HLCS: variants seen among roughly 807,000 people sequenced by gnomAD.
HLCS encodes biotin--protein ligase.
HLCS carries 53 observed loss-of-function variants against 75.0 expected under a neutral mutation model. The ratio of observed to expected loss-of-function variants is 0.71; its 90% CI spans 0.57 to 0.89. HLCS has a LOEUF of 0.89. Ranked by LOEUF, HLCS falls within the 40% of genes least tolerant of loss-of-function variation. HLCS has a pLI of 0.00. For synonymous variants in HLCS, 431 were observed against 428.6 expected, an observed-to-expected ratio of 1.01 and a Z score of -0.07; for missense variants, 966 against 1,074.0, an observed-to-expected ratio of 0.90 and a Z score of 1.41.
chr21:36,940,093 A>T (rs2067075464), intron 2 of HLCS, among the ~76,000 whole-genome samples: 1 of 152,170 alleles, frequency 6.6e-6, no homozygotes. Flanking sequence ...GGTTGTGTTC[A>T]TGAGATCAAA....
intron 6 of HLCS, among the ~76,000 whole-genome samples, chr21:36,780,762 G>A (rs2060502512): frequency 6.6e-6 from 1 of 152,122 alleles, no homozygotes; most frequent in South Asian, 2.1e-4. Flanking sequence ...CCCCACTACT[G>A]CACACAGCCG....
chr21:36,868,267 GA>G, intron 6 of HLCS, among the ~76,000 whole-genome samples: 1 of 147,966 alleles, frequency 6.8e-6, no homozygotes. Context: ...GAGAAGGAAG[GA>G]AGGAAGGAAA....
In HLCS at chr21:36,958,054, C is replaced by T. The variant is rs561647989; in HGVS notation, c.330+3982G>A. Among the ~76,000 whole-genome samples the T allele has an allele frequency of 3.3e-5, 5 of 151,586 alleles. No individual in the cohort carries two copies. In the East Asian group the frequency reaches 9.7e-4, roughly 29 times the overall value. The stretch of plus-strand genomic sequence containing the variant: ...CATCCTGGCTAACATGGTGAAACAC[C>T]GTCTCTACTAAAAATACAATAAATA... On this transcript the variant is annotated intron_variant, in intron 2 of 10. Coordinates refer to ENST00000674895, the MANE Select transcript of HLCS (RefSeq NM_001352514.2).
upstream of HLCS, among the ~76,000 whole-genome samples, chr21:36,967,904 G>C (rs1178157893): frequency 6.6e-6 from 1 of 152,156 alleles, no homozygotes; most frequent in Non-Finnish European, 1.5e-5. Context: ...ATTTTTAGTA[G>C]AGACAGGGTT....
chr21:36,859,820 G>C (rs1293643077), intron 6 of HLCS, among the ~76,000 whole-genome samples: 1 of 152,228 alleles, frequency 6.6e-6, no homozygotes, highest in Non-Finnish European at 1.5e-5. Context: ...TGTTTGTGGG[G>C]AAGCCTTCAG....
At chr21:36,805,485 G>A (rs1021809849) in intron 6 of HLCS, among the ~76,000 whole-genome samples, 6 of 152,218 alleles carry the variant, frequency 3.9e-5, no homozygotes, top group African/African-American at 1.2e-4. Context: ...CTGATTGAAC[G>A]TGGCTGCTAA....
Position 36,906,809 on chromosome 21 carries a change from G to T in HLCS, c.1621-9678C>A, listed in dbSNP as rs866515929. On this transcript the variant is annotated intron_variant, in intron 5 of 10. Coordinates refer to ENST00000674895, the MANE Select transcript of HLCS (RefSeq NM_001352514.2). ...TGCTTTCAAGACTTACTATAAAGTT[G>T]CAGTATATCAAGACGGTGTGGTATT... 2.0e-5 allele frequency among the ~76,000 whole-genome samples: 3 copies of T among 151,944 alleles called. 1 individual carries two copies. In the Middle Eastern group the frequency reaches 0.01, roughly 517 times the overall value.
chr21:36,857,338 G>A (rs2835505), intron 6 of HLCS, among the ~76,000 whole-genome samples: 3 of 151,972 alleles, frequency 2.0e-5, no homozygotes, highest in Non-Finnish European at 2.9e-5. Context: ...TGTTCGATCC[G>A]ATTCCAAAGC....
Position 36,897,119 on chromosome 21 carries a change from G to A in HLCS, c.1633C>T (p.Pro545Ser). 1 of 1,614,074 alleles carries A rather than the reference G, an allele frequency of 6.2e-7. No individual in the cohort carries two copies. Among genetic ancestry groups the A allele is most frequent in the Non-Finnish European group, 8.5e-7 (1 of 1,179,992 alleles). The change falls in exon 6 of 11, where the codon CCT becomes TCT. Residue 545 changes from proline to serine, a missense_variant. Coordinates refer to ENST00000674895, the MANE Select transcript of HLCS (RefSeq NM_001352514.2). Reference protein sequence around the residue: ...LLSAAEEIRDPLMQWLGKHVD... With the variant: ...LLSAAEEIRDSLMQWLGKHVD... ...TGTTTCCCAAGCCACTGCATAAGAG[G>A]ATCCCTGATTTCCTGTGTCATAAAG...
intron 6 of HLCS, among the ~76,000 whole-genome samples, chr21:36,788,327 A>G (rs965073715): frequency 6.6e-6 from 1 of 152,074 alleles, no homozygotes; most frequent in Non-Finnish European, 1.5e-5. Context: ...AAACACCAAC[A>G]CCGCACAGCG....
chr21:36,759,229 C>T, intron 9 of HLCS: 1 of 470,772 alleles, frequency 2.1e-6, no homozygotes, highest in Non-Finnish European at 4.4e-6. Context: ...GCCTCTGAAT[C>T]CATCTTCTTG....
chr21:36,820,456 T>G lies in HLCS; in HGVS notation c.1893-53171A>C, dbSNP rs550231159. ...CAGGCTCAGAAGTGCCTGCTCCTGCTGCAGGGCCTGTCCCTGCTCCCGGCA... is the reference window on the plus strand; with the variant it reads ...CAGGCTCAGAAGTGCCTGCTCCTGCGGCAGGGCCTGTCCCTGCTCCCGGCA... On this transcript the variant is annotated intron_variant, in intron 6 of 10. Transcript: ENST00000674895. 6.3e-4 allele frequency among the ~76,000 whole-genome samples: 96 copies of G among 152,358 alleles called. 2 individuals carry two copies. The South Asian group carries it at 0.02, about 31-fold the overall frequency.
chr21:36,791,693 CG>C (rs1337540718), intron 6 of HLCS, among the ~76,000 whole-genome samples: 1 of 151,910 alleles, frequency 6.6e-6, no homozygotes, highest in African/African-American at 2.4e-5. Context: ...GACAGAATGC[CG>C]AGCACCCTCG....
At chr21:36,805,479 T>C (rs967050488) in intron 6 of HLCS, among the ~76,000 whole-genome samples, 4 of 152,220 alleles carry the variant, frequency 2.6e-5, no homozygotes, top group African/African-American at 4.8e-5. Flanking sequence ...AGCAGCCTGA[T>C]TGAACGTGGC....
intron 6 of HLCS, among the ~76,000 whole-genome samples, chr21:36,850,828 C>T (rs2062973670): frequency 6.6e-6 from 1 of 152,136 alleles, no homozygotes; most frequent in Admixed American, 6.5e-5. Flanking sequence ...TCCCTTCCAC[C>T]CTCAATCTAC....
intron 8 of HLCS, among the ~76,000 whole-genome samples, chr21:36,762,005 G>A (rs1431100678): frequency 6.6e-6 from 1 of 152,240 alleles, no homozygotes; most frequent in Non-Finnish European, 1.5e-5. Flanking sequence ...GGGTTCTCAC[G>A]CAGGTAAACA....
At chr21:36,890,600 G>A (rs1338038166) in intron 6 of HLCS, among the ~76,000 whole-genome samples, 1 of 151,962 alleles carries the variant, frequency 6.6e-6, no homozygotes, top group East Asian at 1.9e-4. Context: ...GCGGTGGGGG[G>A]TTCATGCTCT....
intron 8 of HLCS, among the ~76,000 whole-genome samples, chr21:36,764,361 C>T (rs1056607100): frequency 6.6e-6 from 1 of 152,172 alleles, no homozygotes; most frequent in African/African-American, 2.4e-5. Flanking sequence ...GGCGCCACTG[C>T]ACTCCAGCTT....
At chr21:36,808,057 A>T (rs978279872) in intron 6 of HLCS, among the ~76,000 whole-genome samples, 33 of 152,162 alleles carry the variant, frequency 2.2e-4, no homozygotes, top group African/African-American at 7.2e-4. Flanking sequence ...AAAATAAAAA[A>T]AAAAAAAAGT....
Sources: gnomAD v4.1 joint callset for allele counts (sites outside exome capture counted in the v4.1 genomes callset) on GRCh38, gnomAD v4.1.1 for gene constraint, MANE v1.5 for transcripts, NCBI Gene and HGNC (gene_info 2026-07-23, HGNC 2026-07-21) for gene names.